Variants in SNRNP200 observed in about 807,000 individuals in gnomAD.
SNRNP200 encodes the protein U5 small nuclear ribonucleoprotein 200 kDa helicase.
In SNRNP200, 66 loss-of-function variants were observed where a neutral mutation model predicts 255.2. The ratio of observed to expected loss-of-function variants is 0.26; its 90% CI spans 0.21 to 0.32. SNRNP200 has a LOEUF of 0.32. SNRNP200 is among the 10% of genes least tolerant of loss of function. SNRNP200 has a pLI of 1.00. For synonymous variants in SNRNP200, 939 were observed against 1,027.8 expected (o/e 0.91, Z 1.65); for missense variants, 1,585 against 2,749.8 (o/e 0.58, Z 9.47).
chr2:96,296,750 C>T, intron 12 of SNRNP200, 59 bp from the exon 13 acceptor site: 2 of 1,588,190 alleles, frequency 1.3e-6, no homozygotes, highest in Non-Finnish European at 1.7e-6. Flanking sequence ...ACTGCCCTAA[C>T]TTCCATGGGC....
intron 3 of SNRNP200, 121 bp from the exon 4 acceptor site, chr2:96,301,837 G>A (rs1199420594): frequency 2.1e-6 from 2 of 970,084 alleles, no homozygotes. Flanking sequence ...CACATACTAG[G>A]CTCTGACCTT....
At chr2:96,279,034 TTA>T in intron 36 of SNRNP200, 36 bp from the exon 37 acceptor site, 1 of 1,563,350 alleles carries the variant, frequency 6.4e-7, no homozygotes, top group South Asian at 1.1e-5. Context: ...TAATAAAGAA[TTA>T]GTGACAACAC....
chr2:96,281,506 G>T, intron 35 of SNRNP200: 1 of 378,548 alleles, frequency 2.6e-6, no homozygotes, highest in Non-Finnish European at 5.1e-6. Flanking sequence ...ATAGGTGTAT[G>T]ACCTCGACCA....
intron 13 of SNRNP200, 27 bp downstream of exon 13, chr2:96,296,509 C>T: frequency 1.9e-6 from 3 of 1,612,980 alleles, no homozygotes; most frequent in South Asian, 1.1e-5. Flanking sequence ...ACCCAGTATC[C>T]TCTGCAGGAA....
intron 8 of SNRNP200, 35 bp from the exon 9 acceptor site, chr2:96,298,455 G>C: frequency 6.2e-7 from 1 of 1,613,720 alleles, no homozygotes; most frequent in Non-Finnish European, 8.5e-7. Flanking sequence ...GAAGTGAGGA[G>C]GAGGAAATAA....
Position 96,288,754 on chromosome 2 carries a change from G to A in SNRNP200, c.3175-8C>T. ...TTGCAGAAGAACGTTGATCTGTAAA[G>A]AAGCAAAATCAGCCAGCAGGAGACC... On this transcript the variant is annotated splice_polypyrimidine_tract_variant and splice_region_variant and intron_variant, in intron 23 of 44. Transcript: ENST00000323853. 6.2e-7 allele frequency: 1 copy of A among 1,613,678 alleles called. No individual in the cohort carries two copies.
In SNRNP200 at chr2:96,289,950, A is replaced by G; in HGVS notation, c.2789T>C (p.Leu930Pro). ...LGYAYLYIRM[L>P]RSPTLYGISH... Reference sequence around the variant, plus strand: ...GATGCCATAGAGGGTTGGGGATCGCAGCATTCGGATATAGAGGTAGGCATA... The same window carrying G: ...GATGCCATAGAGGGTTGGGGATCGCGGCATTCGGATATAGAGGTAGGCATA... Residue 930 changes from leucine to proline, a missense_variant, in exon 21 of 45, where the codon CTG becomes CCG. This residue lies in a region of SNRNP200 where 719 missense variants were observed against 1,091.1 expected (regional missense o/e 0.66). Transcript: ENST00000323853. 1 of 1,614,142 alleles carries G rather than the reference A, an allele frequency of 6.2e-7. No homozygotes were observed. The highest frequency in any genetic ancestry group is 8.5e-7 in the Non-Finnish European group (1 of 1,180,020).
chr2:96,289,126 A>G lies in SNRNP200; in HGVS notation c.3094-9T>C. ...AGCTCCAGCTTCTCCTCCTGCCACA[A>G]GGAGGAAAAGGTCAAGGGAAAGCCT... On this transcript the variant is annotated splice_polypyrimidine_tract_variant and intron_variant, in intron 22 of 44. Transcript: ENST00000323853. 1.9e-6 allele frequency: 3 copies of G among 1,613,898 alleles called. No individual in the cohort carries two copies. Among genetic ancestry groups the G allele is most frequent in the Non-Finnish European group, 2.5e-6 (3 of 1,179,898 alleles).
At chr2:96,301,271 C>T (rs2063950675) in intron 4 of SNRNP200, among the ~76,000 whole-genome samples, 1 of 152,224 alleles carries the variant, frequency 6.6e-6, no homozygotes, top group Admixed American at 6.5e-5. Context: ...GCTCTGCTTG[C>T]TCAACCACTT....
At position 96,287,859 on chromosome 2, in the gene SNRNP200, T is replaced by C; in HGVS notation, c.3365+4A>G. On this transcript the variant is annotated splice_donor_region_variant and intron_variant, in intron 25 of 44. Coordinates refer to ENST00000323853, the MANE Select transcript of SNRNP200 (RefSeq NM_014014.5). This position sits in a 1 kb window ranked among gnomAD's most constrained non-coding sequence, Gnocchi z 5.7. ...GACCAGCATCCAGCTCACTGGGTCC[T>C]TACATGCGTTTGTCGATCATCTTGC... 6.2e-7 allele frequency: 1 copy of C among 1,613,748 alleles called. No individual in the cohort carries two copies. Among genetic ancestry groups the C allele is most frequent in the Non-Finnish European group, 8.5e-7 (1 of 1,179,566 alleles).
chr2:96,282,743 TGCCTTCCCTGAG>T (rs968423319), intron 34 of SNRNP200: 11 of 286,660 alleles, frequency 3.8e-5, no homozygotes, highest in African/African-American at 2.2e-4. Context: ...GCTTCCCCTT[TGCCTTCCCTGAG>T]GCCTTCCCAG....
intron 1 of SNRNP200, 149 bp from the exon 2 acceptor site, chr2:96,305,017 T>C (rs554922142): frequency 2.6e-5 from 25 of 951,006 alleles, no homozygotes; most frequent in African/African-American, 4.9e-5. Flanking sequence ...AAGAATTGCA[T>C]AGTATAACGC....
intron 2 of SNRNP200, 63 bp from the exon 3 acceptor site, chr2:96,303,393 C>T (rs1574002677): frequency 6.3e-7 from 1 of 1,580,682 alleles, no homozygotes; most frequent in East Asian, 2.2e-5. Flanking sequence ...AAGACTGGAT[C>T]AAGCCCACCC....
Position 96,277,552 on chromosome 2 carries a change from C to T in SNRNP200, c.5918G>A (p.Arg1973His), listed in dbSNP as rs757570476. ...LPHFTSEHIKRCTDKGVESVF... is the reference protein window; with the variant it reads ...LPHFTSEHIKHCTDKGVESVF... Reference sequence around the variant, plus strand: ...GACCCGGCTCACCTTGTCTGTGCAACGTTTGATATGCTCAGAGGTGAAGTG... The same window carrying T: ...GACCCGGCTCACCTTGTCTGTGCAATGTTTGATATGCTCAGAGGTGAAGTG... Residue 1973 changes from arginine to histidine, a missense_variant, in exon 41 of 45, where the codon CGT (arginine) becomes CAT (histidine). Transcript: ENST00000323853. This position sits in a 1 kb window ranked among gnomAD's most constrained non-coding sequence, Gnocchi z 4.4. 24 of 1,612,618 alleles carry T rather than the reference C, an allele frequency of 1.5e-5. No individual in the cohort carries two copies. The South Asian group carries it at 1.5e-4, about 10-fold the overall frequency.
chr2:96,283,919 G>C lies in SNRNP200; in HGVS notation c.4478C>G (p.Ser1493Trp). 6.3e-7 allele frequency: 1 copy of C among 1,598,204 alleles called. No individual in the cohort carries two copies. Among genetic ancestry groups the C allele is most frequent in the Non-Finnish European group, 8.5e-7 (1 of 1,172,372 alleles). The stretch of plus-strand genomic sequence containing the variant: ...GGCCACATCCTTGGCATTGGAGAGC[G>C]AAGAGCTGAGTGCCACAATGCGAAT... ...RPIRIVALSSSLSNAKDVAHW... is the reference protein window; with the variant it reads ...RPIRIVALSSWLSNAKDVAHW... Residue 1493 changes from serine to tryptophan, a missense_variant, in exon 32 of 45, where the codon TCG becomes TGG. Coordinates refer to ENST00000323853, the MANE Select transcript of SNRNP200 (RefSeq NM_014014.5). The surrounding 1 kb of genome is among the most constrained non-coding windows in gnomAD (Gnocchi z 4.7).
chr2:96,288,793 T>C, intron 23 of SNRNP200, 47 bp from the exon 24 acceptor site: 1 of 1,508,366 alleles, frequency 6.6e-7, no homozygotes, highest in Non-Finnish European at 9.2e-7. Flanking sequence ...CACTGAACAG[T>C]CCAAGAAAGG....
Position 96,291,108 on chromosome 2 carries a change from C to T in SNRNP200, c.2421+284G>A, listed in dbSNP as rs946461264. Among the ~76,000 whole-genome samples, 8 of 152,104 alleles carry T rather than the reference C, an allele frequency of 5.3e-5. No homozygotes were observed. The highest frequency in any genetic ancestry group is 3.9e-4 in the East Asian group (2 of 5,180). On this transcript the variant is annotated intron_variant, in intron 18 of 44. Coordinates refer to ENST00000323853, the MANE Select transcript of SNRNP200 (RefSeq NM_014014.5). The surrounding 1 kb of genome is among the most constrained non-coding windows in gnomAD (Gnocchi z 4.2). ...ACAGAGCCTATCCGGAAAGAGGGAA[C>T]GACAAGGGCACGCGTGCCCCCATGA...
intron 30 of SNRNP200, 91 bp downstream of exon 30, chr2:96,285,089 C>T: frequency 4.1e-6 from 6 of 1,468,778 alleles, no homozygotes; most frequent in Non-Finnish European, 4.8e-6. Flanking sequence ...AGGAAATGAC[C>T]CTGCAAATTT....
In SNRNP200 at chr2:96,278,106, G is replaced by C. The variant is rs1018292445; in HGVS notation, c.5610+131C>G. ...TGGAGATGGGTTTGAGGGAGGTATGGAGCGGGAGGACATATGGCGGGGGTC... is the reference window on the plus strand; with the variant it reads ...TGGAGATGGGTTTGAGGGAGGTATGCAGCGGGAGGACATATGGCGGGGGTC... On this transcript the variant is annotated intron_variant, in intron 39 of 44. Coordinates refer to ENST00000323853, the MANE Select transcript of SNRNP200 (RefSeq NM_014014.5). The surrounding 1 kb of genome is among the most constrained non-coding windows in gnomAD (Gnocchi z 6.9). The C allele has an allele frequency of 1.3e-6, 2 of 1,527,602 alleles. No individual in the cohort carries two copies. Among genetic ancestry groups the C allele is most frequent in the African/African-American group, 1.4e-5 (1 of 73,180 alleles). The allele number at this position is 1,527,602 out of a possible 1,614,324, so 94.6% of individuals were successfully genotyped here.
Sources: allele counts gnomAD v4.1 joint callset (sites outside exome capture counted in the v4.1 genomes callset), GRCh38; gene constraint gnomAD v4.1.1; regional missense constraint gnomAD v4.1.1; non-coding constraint Gnocchi (gnomAD v3.1); transcripts MANE v1.5; gene names NCBI Gene and HGNC (gene_info 2026-07-23, HGNC 2026-07-21).